AKAP13: variants seen among roughly 807,000 people sequenced by gnomAD.
AKAP13 encodes the protein A-kinase anchoring protein 13.
AKAP13 carries 80 observed loss-of-function variants against 264.5 expected under a neutral mutation model. The observed-to-expected ratio is 0.30, with a 90% CI of 0.25 to 0.36. The LOEUF (loss-of-function observed/expected upper bound fraction) is 0.36, where lower values mean the gene tolerates loss of function less well. Ranked by LOEUF, AKAP13 falls within the 10% of genes least tolerant of loss-of-function variation. The pLI is 1.00. For synonymous variants in AKAP13, 1,380 were observed against 1,250.2 expected, an observed-to-expected ratio of 1.10 and a Z score of -2.19; for missense variants, 3,712 against 3,435.2, an observed-to-expected ratio of 1.08 and a Z score of -2.01.
At chr15:85,436,976 G>T (rs1596166697) in intron 1 of AKAP13, among the ~76,000 whole-genome samples, 1 of 150,178 alleles carries the variant, frequency 6.7e-6, no homozygotes, top group Non-Finnish European at 1.5e-5. Context: ...AATCAGAGCA[G>T]AACTGAAGGA....
chr15:85,713,824 C>G (rs774541456), intron 19 of AKAP13, among the ~76,000 whole-genome samples: 4 of 152,078 alleles, frequency 2.6e-5, no homozygotes, highest in Non-Finnish European at 5.9e-5. Flanking sequence ...TGGGGATGGA[C>G]AGATAATGCA....
rs974666466 is a variant in AKAP13 at position 85,718,429 on chromosome 15, T to C, written c.6001+270T>C. Among the ~76,000 whole-genome samples the C allele has an allele frequency of 2.6e-5, 4 of 152,180 alleles. No homozygotes were observed. Among genetic ancestry groups the C allele is most frequent in the African/African-American group, 9.7e-5 (4 of 41,444 alleles). On this transcript the variant is annotated intron_variant, in intron 22 of 36. Transcript: ENST00000394518. The surrounding 1 kb of genome is among the most constrained non-coding windows in gnomAD (Gnocchi z 4.9). Reference sequence around the variant, plus strand: ...CCTAGAAAGAGATATCTCAGTTTTTTTCCTTACCTACACTAAAAACTAGAC... The same window carrying C: ...CCTAGAAAGAGATATCTCAGTTTTTCTCCTTACCTACACTAAAAACTAGAC...
At chr15:85,431,076 G>C (rs1429524601) in intron 1 of AKAP13, among the ~76,000 whole-genome samples, 1 of 152,132 alleles carries the variant, frequency 6.6e-6, no homozygotes, top group Non-Finnish European at 1.5e-5. Context: ...TAATCAGTTA[G>C]CATTTTAAAA....
chr15:85,589,665 G>A (rs560445971), intron 8 of AKAP13, among the ~76,000 whole-genome samples: 4 of 136,516 alleles, frequency 2.9e-5, no homozygotes, highest in Admixed American at 7.7e-5. Context: ...AGCCGAGATC[G>A]CACCACTGCA....
chr15:85,384,616 C>T (rs1441620963), intron 1 of AKAP13, among the ~76,000 whole-genome samples: 9 of 151,286 alleles, frequency 5.9e-5, no homozygotes, highest in Admixed American at 6.6e-5. Flanking sequence ...ACTTGGGAGG[C>T]TGAGGCAGGA....
At chr15:85,434,227 C>T (rs1165264792) in intron 1 of AKAP13, among the ~76,000 whole-genome samples, 2 of 152,108 alleles carry the variant, frequency 1.3e-5, no homozygotes, top group Non-Finnish European at 2.9e-5. Flanking sequence ...CCTGGAAAAT[C>T]GGGTCACTCC....
intron 2 of AKAP13, among the ~76,000 whole-genome samples, chr15:85,490,638 G>A (rs1052814024): frequency 6.6e-6 from 1 of 152,174 alleles, no homozygotes; most frequent in Non-Finnish European, 1.5e-5. Context: ...TTTGTTCCTG[G>A]TGTTTCTTAA....
intron 1 of AKAP13, among the ~76,000 whole-genome samples, chr15:85,413,223 C>T (rs944018916): frequency 2.6e-5 from 4 of 152,196 alleles, no homozygotes; most frequent in Non-Finnish European, 4.4e-5. Flanking sequence ...TCCCAGGTCA[C>T]GTAGTCTTGT....
chr15:85,699,083 A>G (rs1694628999), intron 17 of AKAP13, among the ~76,000 whole-genome samples: 2 of 152,132 alleles, frequency 1.3e-5, no homozygotes, highest in South Asian at 4.1e-4. Context: ...ATGAGTTGGA[A>G]AGTCAGTAAA....
At chr15:85,676,618 G>T (rs2084243319) in intron 14 of AKAP13, among the ~76,000 whole-genome samples, 1 of 152,168 alleles carries the variant, frequency 6.6e-6, no homozygotes, top group Admixed American at 6.5e-5. Flanking sequence ...AAGAGGTGGA[G>T]TGAATTAGGA....
At chr15:85,619,588 T>C in intron 8 of AKAP13, 1 of 985,576 alleles carries the variant, frequency 1.0e-6, no homozygotes, top group East Asian at 1.1e-4. Flanking sequence ...ATGACTTTTT[T>C]CATGCCATCG....
At chr15:85,424,623 G>A (rs1055904157) in intron 1 of AKAP13, among the ~76,000 whole-genome samples, 4 of 152,180 alleles carry the variant, frequency 2.6e-5, no homozygotes, top group Non-Finnish European at 4.4e-5. Context: ...TTATTTATGT[G>A]CTCACTGGAA....
intron 8 of AKAP13, among the ~76,000 whole-genome samples, chr15:85,592,965 T>C (rs1369988805): frequency 6.6e-6 from 1 of 152,182 alleles, no homozygotes; most frequent in Non-Finnish European, 1.5e-5. Flanking sequence ...TTCTCCTTTG[T>C]GTAATGGTTA....
intron 5 of AKAP13, among the ~76,000 whole-genome samples, chr15:85,554,148 G>A (rs2078058066): frequency 6.6e-6 from 1 of 152,108 alleles, no homozygotes; most frequent in South Asian, 2.1e-4. Flanking sequence ...TGTTCAGCAG[G>A]CATCCATCTC....
intron 8 of AKAP13, among the ~76,000 whole-genome samples, chr15:85,605,245 T>C (rs910909467): frequency 1.3e-5 from 2 of 152,176 alleles, no homozygotes; most frequent in Non-Finnish European, 2.9e-5. Flanking sequence ...ATTTAAAAGT[T>C]TCACTGGGAA....
intron 10 of AKAP13, among the ~76,000 whole-genome samples, chr15:85,652,295 T>C (rs927816538): frequency 2.0e-5 from 3 of 152,234 alleles, no homozygotes; most frequent in African/African-American, 7.2e-5. Flanking sequence ...GCCAGAGAGA[T>C]AGCAGGCCTT....
At chr15:85,538,394 A>G (rs1307967263) in intron 4 of AKAP13, among the ~76,000 whole-genome samples, 1 of 152,126 alleles carries the variant, frequency 6.6e-6, no homozygotes, top group African/African-American at 2.4e-5. Flanking sequence ...TGTATTCCCA[A>G]TTCTATACAT....
At chr15:85,621,979 G>A (rs1347922965) in intron 8 of AKAP13, among the ~76,000 whole-genome samples, 1 of 152,118 alleles carries the variant, frequency 6.6e-6, no homozygotes, top group African/African-American at 2.4e-5. Flanking sequence ...ATAAACACTA[G>A]GAGTCCTGAA....
At chr15:85,625,870 C>T (rs2081387284) in intron 8 of AKAP13, among the ~76,000 whole-genome samples, 1 of 152,100 alleles carries the variant, frequency 6.6e-6, no homozygotes, top group African/African-American at 2.4e-5. Flanking sequence ...TGAATAGAAC[C>T]AAGACTAGAA....
Sources: gnomAD v4.1 joint callset for allele counts (sites outside exome capture counted in the v4.1 genomes callset) on GRCh38, gnomAD v4.1.1 for gene constraint, Gnocchi (gnomAD v3.1) non-coding constraint, MANE v1.5 for transcripts, NCBI Gene and HGNC (gene_info 2026-07-23, HGNC 2026-07-21) for gene names.